GRHL2: variants seen among roughly 807,000 people sequenced by gnomAD.
GRHL2 encodes the protein grainyhead-like protein 2 homolog.
GRHL2 carries 21 observed loss-of-function variants against 83.8 expected under a neutral mutation model. That is an observed-to-expected ratio of 0.25 (90% confidence interval 0.18 to 0.36). GRHL2 has a LOEUF of 0.36. Ranked by LOEUF, GRHL2 falls within the 10% of genes least tolerant of loss-of-function variation. The pLI, the probability that GRHL2 is intolerant of heterozygous loss-of-function variation, is 1.00. For missense variants in GRHL2, 623 were observed against 781.8 expected, an observed-to-expected ratio of 0.80 and a Z score of 2.42; for synonymous variants, 280 against 278.9, an observed-to-expected ratio of 1.00 and a Z score of -0.04.
At chr8:101,665,991 C>CA in intron 15 of GRHL2, among the ~76,000 whole-genome samples, 1 of 152,306 alleles carries the variant, frequency 6.6e-6, no homozygotes, top group Admixed American at 6.5e-5. Flanking sequence ...AAGCTAATTT[C>CA]AAAATCAAGC....
chr8:101,637,018 A>C (rs563711669), intron 12 of GRHL2, 90 bp downstream of exon 12: 1 of 1,149,074 alleles, frequency 8.7e-7, no homozygotes, highest in East Asian at 2.3e-5. Context: ...CCTAGGCAGG[A>C]AGTGAAACCC....
At chr8:101,513,500 C>CTTTT (rs112134650) in intron 1 of GRHL2, among the ~76,000 whole-genome samples, 2 of 100,188 alleles carry the variant, frequency 2.0e-5, no homozygotes, top group African/African-American at 7.5e-5. Context: ...TATCGTTGTG[C>CTTTT]TTTTTTTTTT....
At position 101,602,015 on chromosome 8, in the gene GRHL2, C is replaced by T. The variant is rs145870078; in HGVS notation, c.1098+2864C>T. Reference sequence around the variant, plus strand: ...TCGACAGGCCCTGGTGCGTAATGTTCCTCCTCTGTGTCCATGTGTTCTCAT... The same window carrying T: ...TCGACAGGCCCTGGTGCGTAATGTTTCTCCTCTGTGTCCATGTGTTCTCAT... On this transcript the variant is annotated intron_variant, in intron 8 of 15. Transcript: ENST00000646743. 4.6e-3 allele frequency among the ~76,000 whole-genome samples: 699 copies of T among 152,220 alleles called. 6 individuals are homozygous for T. Among genetic ancestry groups the T allele is most frequent in the Non-Finnish European group, 7.1e-3 (486 of 68,026 alleles).
chr8:101,652,390 T>TG (rs1813659355), intron 14 of GRHL2, among the ~76,000 whole-genome samples: 2 of 66,954 alleles, frequency 3.0e-5, no homozygotes, highest in Admixed American at 1.5e-4. Context: ...GTGTGGTGTG[T>TG]GTGTGTGTCT....
intron 1 of GRHL2, among the ~76,000 whole-genome samples, chr8:101,494,087 T>C (rs917277522): frequency 6.6e-6 from 1 of 152,104 alleles, no homozygotes; most frequent in Non-Finnish European, 1.5e-5. Context: ...CCGGTAACTT[T>C]GCCGTGGCGT....
intron 7 of GRHL2, among the ~76,000 whole-genome samples, chr8:101,593,639 G>A (rs150029941): frequency 1.2e-4 from 19 of 152,206 alleles, no homozygotes; most frequent in South Asian, 6.2e-4. Flanking sequence ...ATATGTCCTC[G>A]TCCTAACTCC....
chr8:101,637,026 C>A lies in GRHL2; in HGVS notation c.1517+98C>A, dbSNP rs1813301736. 4.7e-6 allele frequency: 5 copies of A among 1,061,530 alleles called. No individual in the cohort carries two copies. In the African/African-American group the frequency reaches 6.2e-5, roughly 13 times the overall value. 65.8% of individuals were successfully genotyped at this position (1,061,530 alleles called of 1,614,324 possible). A position where few individuals can be genotyped will look rare whatever the true frequency, so the allele number is the denominator to read the frequency against. Reference sequence around the variant, plus strand: ...TGGTAACCCTAGGCAGGAAGTGAAACCCTCCTCTCACCTCAGGACTCAGAG... The same window carrying A: ...TGGTAACCCTAGGCAGGAAGTGAAAACCTCCTCTCACCTCAGGACTCAGAG... On this transcript the variant is annotated intron_variant, in intron 12 of 15. Transcript: ENST00000646743.
chr8:101,677,869 T>G, the GRHL2 span, among the ~76,000 whole-genome samples: 1 of 152,126 alleles, frequency 6.6e-6, no homozygotes, highest in Non-Finnish European at 1.5e-5. Context: ...TAGAGAACCC[T>G]GCTTGAAATG....
chr8:101,652,563 G>GT (rs1813688960), intron 14 of GRHL2, among the ~76,000 whole-genome samples: 2 of 63,900 alleles, frequency 3.1e-5, no homozygotes, highest in East Asian at 4.7e-4. Context: ...TATGTGTGGT[G>GT]GTGTGTGTGT....
chr8:101,505,718 G>A (rs1461102424), intron 1 of GRHL2, among the ~76,000 whole-genome samples: 2 of 151,802 alleles, frequency 1.3e-5, no homozygotes, highest in Admixed American at 1.3e-4. Flanking sequence ...GGTATGTTTT[G>A]TATCATATTC....
chr8:101,636,760 C>T (rs1282836576), intron 11 of GRHL2, 137 bp from the exon 12 acceptor site: 2 of 750,152 alleles, frequency 2.7e-6, no homozygotes, highest in Non-Finnish European at 4.8e-6. Context: ...CACACACACA[C>T]ACACACTGTT....
intron 3 of GRHL2, among the ~76,000 whole-genome samples, chr8:101,557,660 CT>C (rs1811516190): frequency 6.6e-6 from 1 of 152,148 alleles, no homozygotes; most frequent in Non-Finnish European, 1.5e-5. Context: ...ATTTTTATGA[CT>C]TTTAAGTCTC....
At chr8:101,677,329 G>T in the GRHL2 span, among the ~76,000 whole-genome samples, 1 of 151,990 alleles carries the variant, frequency 6.6e-6, no homozygotes, top group East Asian at 1.9e-4. Context: ...GTTCTGCCAT[G>T]GGTTGTAGGT....
At chr8:101,505,671 C>T (rs1334901055) in intron 1 of GRHL2, among the ~76,000 whole-genome samples, 1 of 150,616 alleles carries the variant, frequency 6.6e-6, no homozygotes, top group Non-Finnish European at 1.5e-5. Context: ...CTCCTTTTAT[C>T]TTGTGTTTAT....
chr8:101,559,664 G>A (rs1030071499), intron 4 of GRHL2, among the ~76,000 whole-genome samples: 10 of 152,202 alleles, frequency 6.6e-5, no homozygotes, highest in African/African-American at 2.4e-4. Context: ...TAGAGAATAT[G>A]TATTCTTCTC....
chr8:101,509,209 T>TTGTG (rs59898617), intron 1 of GRHL2, among the ~76,000 whole-genome samples: 3,364 of 53,306 alleles, frequency 0.063, 339 homozygotes, highest in South Asian at 0.12. Context: ...TTCTTTCTTC[T>TTGTG]TGTGTGTGTG....
intron 7 of GRHL2, among the ~76,000 whole-genome samples, chr8:101,581,009 T>A (rs1408296860): frequency 1.3e-5 from 2 of 152,210 alleles, no homozygotes; most frequent in East Asian, 1.9e-4. Context: ...CACCATTTTT[T>A]AAAAAACAAT....
At position 101,558,752 on chromosome 8, in the gene GRHL2, C is replaced by A. The variant is rs773025507; in HGVS notation, c.618C>A (p.Asp206Glu). The A allele has an allele frequency of 1.2e-6, 2 of 1,614,122 alleles. No individual in the cohort carries two copies. The highest frequency in any genetic ancestry group is 1.7e-6 in the Non-Finnish European group (2 of 1,180,018). ...CCACCCACAGCGCCTATCTCAAAGACGACCAGCGCAGCACTCCGGACAGCA... is the reference window on the plus strand; with the variant it reads ...CCACCCACAGCGCCTATCTCAAAGAAGACCAGCGCAGCACTCCGGACAGCA... ...SLATHSAYLK[D>E]DQRSTPDSTY... The change falls in exon 4 of 16, where the codon GAC (aspartate) becomes GAA (glutamate). Residue 206 changes from aspartate to glutamate, a missense_variant. Transcript: ENST00000646743.
intron 9 of GRHL2, among the ~76,000 whole-genome samples, chr8:101,624,484 T>C (rs1030317458): frequency 2.5e-5 from 3 of 120,184 alleles, no homozygotes; most frequent in Non-Finnish European, 3.6e-5. Context: ...AGTAGAACAG[T>C]GTAGGACAGT....
Sources: gnomAD v4.1 joint callset for allele counts (sites outside exome capture counted in the v4.1 genomes callset) on GRCh38, gnomAD v4.1.1 for gene constraint, MANE v1.5 for transcripts, NCBI Gene and HGNC (gene_info 2026-07-23, HGNC 2026-07-21) for gene names.